The following FAM20B variants were observed in gnomAD, a reference collection of about 807,000 sequenced individuals.
FAM20B encodes FAM20B glycosaminoglycan xylosylkinase, also known as glycosaminoglycan xylosylkinase.
Under a neutral mutation model 43.8 loss-of-function variants are expected in FAM20B, and 23 were observed. The observed-to-expected ratio is 0.53, with a 90% confidence interval of 0.38 to 0.74. The LOEUF (loss-of-function observed/expected upper bound fraction) is 0.74. Ranked by LOEUF, FAM20B falls within the 30% of genes least tolerant of loss-of-function variation. FAM20B has a pLI of 0.00. For synonymous variants in FAM20B, 178 were observed against 192.4 expected, an observed-to-expected ratio of 0.93 and a Z score of 0.62; for missense variants, 440 against 510.5, an observed-to-expected ratio of 0.86 and a Z score of 1.33.
intron 6 of FAM20B, among the ~76,000 whole-genome samples, chr1:179,066,094 C>G (rs1305025571): frequency 1.3e-5 from 2 of 152,188 alleles, no homozygotes; most frequent in African/African-American, 4.8e-5. Flanking sequence ...GGGACACAAA[C>G]ATTCAGACCA....
chr1:179,065,284 G>A (rs1444052526), intron 6 of FAM20B, among the ~76,000 whole-genome samples: 1 of 151,978 alleles, frequency 6.6e-6, no homozygotes, highest in East Asian at 1.9e-4. Context: ...CTGAGTAGCT[G>A]GGACTACAGG....
At chr1:179,043,152 T>A (rs540252502) in intron 1 of FAM20B, among the ~76,000 whole-genome samples, 3 of 152,186 alleles carry the variant, frequency 2.0e-5, no homozygotes, top group African/African-American at 4.8e-5. Flanking sequence ...TCCTCAGTCC[T>A]CCCTTGGCCT....
chr1:179,023,978 G>C (rs1200810804), upstream of FAM20B, among the ~76,000 whole-genome samples: 1 of 152,198 alleles, frequency 6.6e-6, no homozygotes, highest in African/African-American at 2.4e-5. Flanking sequence ...TGACATCATG[G>C]AGTGTCAGGC....
intron 1 of FAM20B, among the ~76,000 whole-genome samples, chr1:179,041,687 G>A (rs951352903): frequency 6.7e-6 from 1 of 149,528 alleles, no homozygotes; most frequent in Non-Finnish European, 1.5e-5. Context: ...AGAGGGAGAG[G>A]GAGACGGGAG....
chr1:179,062,835 TC>T (rs1224731447), intron 4 of FAM20B, among the ~76,000 whole-genome samples: 1 of 151,964 alleles, frequency 6.6e-6, no homozygotes, highest in Admixed American at 6.6e-5. Context: ...TTGCTCAACT[TC>T]CCCCCTTCCT....
chr1:179,045,053 T>C (rs1650704792), intron 2 of FAM20B, among the ~76,000 whole-genome samples: 1 of 152,200 alleles, frequency 6.6e-6, no homozygotes, highest in Non-Finnish European at 1.5e-5. Flanking sequence ...TTAGTTACCT[T>C]AGTTAACTAA....
At chr1:179,049,939 CTG>C (rs1312055334) in intron 2 of FAM20B, among the ~76,000 whole-genome samples, 2 of 152,344 alleles carry the variant, frequency 1.3e-5, no homozygotes, top group African/African-American at 2.4e-5. Context: ...GTGCTTAACA[CTG>C]TGCTGGCAAT....
chr1:179,021,999 G>A (rs1276668624), upstream of FAM20B, among the ~76,000 whole-genome samples: 1 of 152,204 alleles, frequency 6.6e-6, no homozygotes, highest in African/African-American at 2.4e-5. Flanking sequence ...GTGTATGTAT[G>A]TAGCTTATGA....
chr1:179,048,884 T>G (rs1159183722), intron 2 of FAM20B, among the ~76,000 whole-genome samples: 1 of 152,372 alleles, frequency 6.6e-6, no homozygotes, highest in East Asian at 1.9e-4. Flanking sequence ...GTCATTTAAG[T>G]TGAAGTTCAC....
At chr1:179,071,664 C>A (rs1651929103) in intron 7 of FAM20B, among the ~76,000 whole-genome samples, 1 of 152,158 alleles carries the variant, frequency 6.6e-6, no homozygotes, top group African/African-American at 2.4e-5. Context: ...AACATTTTTC[C>A]TGTTATAAAC....
intron 1 of FAM20B, among the ~76,000 whole-genome samples, chr1:179,038,335 C>A (rs1057199940): frequency 6.7e-6 from 1 of 150,302 alleles, no homozygotes; most frequent in African/African-American, 2.5e-5. Flanking sequence ...CGCTTGAACC[C>A]AGGAAGCAGA....
intron 7 of FAM20B, among the ~76,000 whole-genome samples, chr1:179,067,608 AAAAT>A (rs745756654): frequency 1.2e-4 from 19 of 152,176 alleles, no homozygotes; most frequent in Admixed American, 1.3e-4. Flanking sequence ...TGTCTCAAAA[AAAAT>A]AAATAATAAA....
intron 2 of FAM20B, among the ~76,000 whole-genome samples, chr1:179,049,957 G>C (rs531872874): frequency 6.6e-6 from 1 of 152,300 alleles, no homozygotes; most frequent in African/African-American, 2.4e-5. Context: ...GCAATACAAA[G>C]ACAGTCCTTG....
At chr1:179,070,234 T>A (rs1202939947) in intron 7 of FAM20B, among the ~76,000 whole-genome samples, 1 of 151,458 alleles carries the variant, frequency 6.6e-6, no homozygotes, top group Admixed American at 6.6e-5. Context: ...TTAGGAGAGA[T>A]GGGGTTTCAC....
the FAM20B span, among the ~76,000 whole-genome samples, chr1:179,017,724 C>T: frequency 6.6e-6 from 1 of 152,146 alleles, no homozygotes; most frequent in Non-Finnish European, 1.5e-5. Flanking sequence ...ACAGCATCCA[C>T]CAGAAGTTAG....
rs758621344 is a variant in FAM20B, at chr1:179,054,546, G to A, written c.482G>A (p.Arg161Gln). 3 of 1,610,526 alleles carry A rather than the reference G, an allele frequency of 1.9e-6. No individual in the cohort carries two copies. Among genetic ancestry groups the A allele is most frequent in the Non-Finnish European group, 2.5e-6 (3 of 1,177,474 alleles). Residue 161 changes from arginine (R) to glutamine (Q), a missense_variant, in exon 4 of 8, where the codon CGA (arginine) becomes CAA (glutamine). Coordinates refer to ENST00000263733, the MANE Select transcript of FAM20B (RefSeq NM_014864.4). ...FHLDRILGFH[R>Q]APLVVGRFVN... is the part of the protein sequence containing the mutation. ...CAAACCAGGATTCTGGGTTTCCACC[G>A]AGCCCCCTTGGTAGTTGGCAGATTT...
chr1:179,026,527 C>A (rs1405279418), intron 1 of FAM20B, among the ~76,000 whole-genome samples: 1 of 152,136 alleles, frequency 6.6e-6, no homozygotes, highest in African/African-American at 2.4e-5. Context: ...CCGGAGCGCC[C>A]GTTGAGGCAG....
intron 4 of FAM20B, among the ~76,000 whole-genome samples, chr1:179,057,395 G>C (rs1651270626): frequency 6.6e-6 from 1 of 152,128 alleles, no homozygotes; most frequent in East Asian, 1.9e-4. Flanking sequence ...TCATTCTCTT[G>C]ATGCAATTTT....
rs1426856495 is a variant in FAM20B at position 179,074,098 on chromosome 1, C to T, written c.*1954C>T. On this transcript the variant is annotated 3_prime_UTR_variant, in exon 8 of 8. Coordinates refer to ENST00000263733, the MANE Select transcript of FAM20B (RefSeq NM_014864.4). ...CCAGTTTTCTTGCATTGAAAGATAA[C>T]TGAGTAATAACCTGTAACTATTTTT... is the stretch of plus-strand genomic sequence containing the variant. 6.6e-6 allele frequency: 1 copy of T among 152,626 alleles called. No homozygotes were observed. Among genetic ancestry groups the T allele is most frequent in the Non-Finnish European group, 1.5e-5 (1 of 68,040 alleles). The allele number at this position is 152,626 out of a possible 1,614,324, so 9.5% of individuals were successfully genotyped here.
Sources: allele counts gnomAD v4.1 joint callset (sites outside exome capture counted in the v4.1 genomes callset), GRCh38; gene constraint gnomAD v4.1.1; transcripts MANE v1.5; gene names NCBI Gene and HGNC (gene_info 2026-07-23, HGNC 2026-07-21).